COG2: variants seen among roughly 807,000 people sequenced by gnomAD.
The protein encoded by COG2 is conserved oligomeric Golgi complex subunit 2.
Under a neutral mutation model 90.6 loss-of-function variants are expected in COG2, and 52 were observed. The ratio of observed to expected loss-of-function variants is 0.57; its 90% CI spans 0.46 to 0.72. The LOEUF is 0.72. Among genes scored for constraint, COG2 ranks in the 30% least tolerant of loss-of-function variants. The probability of loss-of-function intolerance (pLI) is 0.00; values close to 1 mark genes in which losing one functional copy is unlikely to be tolerated. For synonymous variants in COG2, 337 were observed against 320.4 expected, an observed-to-expected ratio of 1.05 and a Z score of -0.55; for missense variants, 829 against 891.2, an observed-to-expected ratio of 0.93 and a Z score of 0.89.
intron 1 of COG2, among the ~76,000 whole-genome samples, chr1:230,648,719 T>A (rs573755156): frequency 2.4e-4 from 37 of 152,362 alleles, no homozygotes; most frequent in Admixed American, 1.5e-3. Flanking sequence ...ATAAGCATCA[T>A]GTAAATAGAT....
chr1:230,691,134 G>A (rs560928583), intron 16 of COG2, among the ~76,000 whole-genome samples: 15 of 149,864 alleles, frequency 1.0e-4, no homozygotes, highest in African/African-American at 3.5e-4. Context: ...AAATTCTGAG[G>A]GAATGCTATG....
chr1:230,674,317 A>G (rs950303139), intron 8 of COG2, among the ~76,000 whole-genome samples: 6 of 152,232 alleles, frequency 3.9e-5, no homozygotes, highest in African/African-American at 1.4e-4. Context: ...CCGCCCTCCA[A>G]TATCTGAATC....
At position 230,686,999 on chromosome 1, in the gene COG2, G is replaced by A; in HGVS notation, c.1445G>A (p.Ser482Asn). The change falls in exon 13 of 18, where the codon AGC (serine) becomes AAC (asparagine). Residue 482 changes from serine to asparagine, a missense_variant. By Grantham distance (46) the Ser-to-Asn change is conservative (BLOSUM62 1). Transcript: ENST00000366669. ...KEIKKPLVTG[S>N]KEPSITQGNT... ...ATCAAGAAACCTTTGGTAACTGGTA[G>A]CAAAGAACCTTCCATCACCCAAGGA... The A allele has an allele frequency of 6.2e-7, 1 of 1,608,648 alleles. No homozygotes were observed. Among genetic ancestry groups the A allele is most frequent in the Non-Finnish European group, 8.5e-7 (1 of 1,176,540 alleles).
intron 17 of COG2, 59 bp from the exon 18 acceptor site, chr1:230,693,233 T>TC (rs374730558): frequency 0.01 from 10,041 of 969,112 alleles, 66 homozygotes; most frequent in Middle Eastern, 0.035. Flanking sequence ...TTCTTTTTTT[T>TC]CCCCCCCCAT....
intron 15 of COG2, among the ~76,000 whole-genome samples, chr1:230,689,406 A>G (rs545548217): frequency 6.6e-6 from 1 of 152,172 alleles, no homozygotes; most frequent in Non-Finnish European, 1.5e-5. Flanking sequence ...ACAGTAATAC[A>G]TTTACTGAGA....
chr1:230,662,632 T>G (rs775837248), intron 3 of COG2, among the ~76,000 whole-genome samples: 6 of 152,186 alleles, frequency 3.9e-5, no homozygotes, highest in Non-Finnish European at 8.8e-5. Context: ...TAAAGTCTTA[T>G]CTGGTCATAG....
chr1:230,651,507 T>C (rs1031455677), intron 1 of COG2, among the ~76,000 whole-genome samples: 3 of 152,236 alleles, frequency 2.0e-5, no homozygotes, highest in African/African-American at 7.2e-5. Flanking sequence ...ACTGCTATTC[T>C]AGTTAATGGT....
At chr1:230,678,263 C>G in intron 9 of COG2, 1 of 985,334 alleles carries the variant, frequency 1.0e-6, no homozygotes. Context: ...AGCAGGTTCT[C>G]TGTGAGCCTC....
At chr1:230,689,689 A>C (rs1266087432) in intron 15 of COG2, among the ~76,000 whole-genome samples, 1 of 152,214 alleles carries the variant, frequency 6.6e-6, no homozygotes, top group Non-Finnish European at 1.5e-5. Flanking sequence ...GTTTTACGAG[A>C]TCACCAGGTG....
Position 230,691,404 on chromosome 1 carries a change from A to G in COG2, c.1955A>G (p.Asp652Gly), listed in dbSNP as rs200365048. The stretch of plus-strand genomic sequence containing the variant: ...TCAAGGTACTATGAAACCGTGTCAG[A>G]TGTATTAAACTCTGTGAAGAAGATG... ...STHKYYETVS[D>G]VLNSVKKMEE... is the part of the protein sequence containing the mutation. Residue 652 changes from aspartate to glycine, a missense_variant, in exon 17 of 18, where the codon GAT becomes GGT. Physicochemically the swap from Asp to Gly is moderately conservative, Grantham distance 94. Coordinates refer to ENST00000366669, the MANE Select transcript of COG2 (RefSeq NM_007357.3). 65 of 1,613,476 alleles carry G rather than the reference A, an allele frequency of 4.0e-5. No individual in the cohort carries two copies. Among genetic ancestry groups the G allele is most frequent in the Admixed American group, 5.0e-5 (3 of 59,826 alleles).
intron 9 of COG2, among the ~76,000 whole-genome samples, chr1:230,675,619 T>G (rs1444741378): frequency 6.6e-6 from 1 of 152,114 alleles, no homozygotes; most frequent in Non-Finnish European, 1.5e-5. Context: ...TTATTTGTTT[T>G]TTTAATTTAT....
chr1:230,645,108 A>T (rs1254981210), intron 1 of COG2, among the ~76,000 whole-genome samples: 4 of 151,728 alleles, frequency 2.6e-5, no homozygotes, highest in Admixed American at 6.6e-5. Flanking sequence ...GGTGGCACAT[A>T]CCTGTAGTCC....
At position 230,642,490 on chromosome 1, in the gene COG2, G is replaced by A; in HGVS notation, c.-117G>A. ...CGGCGCGGGCGCTGCCATGTTGGCG[G>A]AAGCGGACCCCCCTGTGCCGTGGAA... On this transcript the variant is annotated 5_prime_UTR_variant, in exon 1 of 18. Transcript: ENST00000366669. 2 of 942,220 alleles carry A rather than the reference G, an allele frequency of 2.1e-6. No homozygotes were observed. The highest frequency in any genetic ancestry group is 1.8e-5 in the South Asian group (1 of 56,988). 58.4% of individuals were successfully genotyped at this position (942,220 alleles called of 1,614,324 possible).
At chr1:230,683,716 C>A (rs2102770040) in intron 11 of COG2, 81 bp downstream of exon 11, 2 of 875,324 alleles carry the variant, frequency 2.3e-6, no homozygotes, top group Non-Finnish European at 3.6e-6. Flanking sequence ...TTGCAGTATT[C>A]TGAGCGTACT....
chr1:230,678,403 G>A (rs1431015710), intron 9 of COG2: 1 of 985,048 alleles, frequency 1.0e-6, no homozygotes. Context: ...GATGATAAAT[G>A]CTACGAGTTA....
At chr1:230,669,218 TTC>T (rs1193096035) in intron 6 of COG2, 136 bp from the exon 7 acceptor site, 2 of 716,206 alleles carry the variant, frequency 2.8e-6, no homozygotes, top group East Asian at 2.6e-5. Flanking sequence ...TTCATTGTTA[TTC>T]TCCAGGAAAA....
chr1:230,646,397 T>A (rs1383505599), intron 1 of COG2, among the ~76,000 whole-genome samples: 1 of 152,154 alleles, frequency 6.6e-6, no homozygotes, highest in Admixed American at 6.5e-5. Context: ...TGCTTTCTGG[T>A]TATCTTTTGG....
At position 230,669,541 on chromosome 1, in the gene COG2, T is replaced by C; in HGVS notation, c.774+6T>C. 1.2e-6 allele frequency: 2 copies of C among 1,610,812 alleles called. No individual in the cohort carries two copies. Among genetic ancestry groups the C allele is most frequent in the Admixed American group, 1.7e-5 (1 of 59,768 alleles). Reference sequence around the variant, plus strand: ...TGAAACCATACATAGACGAGGTCTGTGTACCTCCTTCAACAAACATTCATG... The same window carrying C: ...TGAAACCATACATAGACGAGGTCTGCGTACCTCCTTCAACAAACATTCATG... On this transcript the variant is annotated splice_donor_region_variant and intron_variant, in intron 7 of 17. Transcript: ENST00000366669.
chr1:230,678,214 C>T (rs577204992), intron 9 of COG2: 1 of 985,396 alleles, frequency 1.0e-6, no homozygotes, highest in South Asian at 4.7e-5. Context: ...AACTGACTGA[C>T]TAGCATTCTG....
Sources: allele counts gnomAD v4.1 joint callset (sites outside exome capture counted in the v4.1 genomes callset), GRCh38; gene constraint gnomAD v4.1.1; transcripts MANE v1.5; gene names NCBI Gene and HGNC (gene_info 2026-07-23, HGNC 2026-07-21).